The following PPFIA4 variants were observed in gnomAD, a reference collection of about 807,000 sequenced individuals.
The protein encoded by PPFIA4 is PPFI scaffold protein A4, also known as liprin-alpha-4.
Under a neutral mutation model 145.7 loss-of-function variants are expected in PPFIA4, and 98 were observed. The observed-to-expected ratio is 0.67, with a 90% CI of 0.57 to 0.80. PPFIA4 has a LOEUF of 0.80. Among genes scored for constraint, PPFIA4 ranks in the 30% least tolerant of loss-of-function variants. The probability of loss-of-function intolerance (pLI) is 0.00; values close to 1 mark genes in which losing one functional copy is unlikely to be tolerated. For synonymous variants in PPFIA4, 628 were observed against 649.6 expected, an observed-to-expected ratio of 0.97 and a Z score of 0.51; for missense variants, 1,457 against 1,632.7, an observed-to-expected ratio of 0.89 and a Z score of 1.85.
chr1:203,033,062 G>A (rs1263587101), intron 1 of PPFIA4, among the ~76,000 whole-genome samples: 1 of 152,210 alleles, frequency 6.6e-6, no homozygotes, highest in Non-Finnish European at 1.5e-5. Context: ...CCTGGCATTA[G>A]GAGGCTGAGT....
rs1165460410 is a variant in PPFIA4 at position 203,059,212 on chromosome 1, G to A, written c.2442G>A (p.Glu814=). 1.3e-6 allele frequency: 2 copies of A among 1,552,652 alleles called. No individual in the cohort carries two copies. Among genetic ancestry groups the A allele is most frequent in the Non-Finnish European group, 1.8e-6 (2 of 1,139,674 alleles). ...LLTDSEFSMQ[E]PMVPAKLGTQ... The stretch of plus-strand genomic sequence containing the variant: ...CAGACTCCGAATTCAGTATGCAGGA[G>A]CCTATGGTGCCTGCCAAGCTGGGGA... Residue 814 remains glutamate (E), a synonymous_variant, in exon 20 of 30, where the codon GAG becomes GAA. Transcript: ENST00000295706.
Position 203,055,791 on chromosome 1 carries a change from T to G in PPFIA4, c.2070+119T>G. On this transcript the variant is annotated intron_variant, in intron 16 of 29. Transcript: ENST00000295706. This position sits in a 1 kb window ranked among gnomAD's most constrained non-coding sequence, Gnocchi z 4.8. ...CCTGCCATCTTCTTCCCATGGTGTG[T>G]GCAGACCCCGACATGTCAGGCCACC... is the stretch of plus-strand genomic sequence containing the variant. 1 of 1,468,892 alleles carries G rather than the reference T, an allele frequency of 6.8e-7. No homozygotes were observed. The highest frequency in any genetic ancestry group is 9.2e-7 in the Non-Finnish European group (1 of 1,082,372). 91.0% of individuals were successfully genotyped at this position (1,468,892 alleles called of 1,614,324 possible). A position where few individuals can be genotyped will look rare whatever the true frequency, so the allele number is the denominator to read the frequency against.
At chr1:203,036,195 G>A (rs974983224) in intron 1 of PPFIA4, among the ~76,000 whole-genome samples, 1 of 152,184 alleles carries the variant, frequency 6.6e-6, no homozygotes, top group Non-Finnish European at 1.5e-5. Flanking sequence ...ATCACAGGGT[G>A]CTTTCTACTC....
rs1173521702 is a variant in PPFIA4 at position 203,078,699 on chromosome 1, G to A, written c.*2309G>A. On this transcript the variant is annotated 3_prime_UTR_variant, in exon 30 of 30. Coordinates refer to ENST00000295706, the MANE Select transcript of PPFIA4 (RefSeq NM_001304331.2). The stretch of plus-strand genomic sequence containing the variant: ...TGTGGGTGGGTGTGAGTGTGGGTGT[G>A]TACGTACCAATAAACAACCTGGTTT... 3 of 149,692 alleles carry A rather than the reference G, an allele frequency of 2.0e-5. No homozygotes were observed. The highest frequency in any genetic ancestry group is 7.5e-5 in the African/African-American group (3 of 40,214). 9.3% of individuals were successfully genotyped at this position (149,692 alleles called of 1,614,324 possible).
In PPFIA4 at chr1:203,048,216, C is replaced by G; in HGVS notation, c.1141-11C>G. The G allele has an allele frequency of 1.2e-6, 2 of 1,612,404 alleles. No individual in the cohort carries two copies. Among genetic ancestry groups the G allele is most frequent in the Non-Finnish European group, 1.7e-6 (2 of 1,179,656 alleles). The stretch of plus-strand genomic sequence containing the variant: ...GATCTGCGGGCTGCACCGACCCATC[C>G]CTGCCCCTAGGCTGAAGAACGGCAT... On this transcript the variant is annotated splice_polypyrimidine_tract_variant and intron_variant, in intron 9 of 29. Transcript: ENST00000295706. The surrounding 1 kb of genome is among the most constrained non-coding windows in gnomAD (Gnocchi z 5.8).
chr1:203,057,428 G>C (rs1361094969), intron 19 of PPFIA4, among the ~76,000 whole-genome samples: 2 of 152,216 alleles, frequency 1.3e-5, no homozygotes, highest in African/African-American at 2.4e-5. Flanking sequence ...TCAAGGAAGA[G>C]CTTAGGCAAG....
chr1:203,044,651 G>A lies in PPFIA4; in HGVS notation c.577-45G>A, dbSNP rs1036654005. On this transcript the variant is annotated intron_variant, in intron 5 of 29. Coordinates refer to ENST00000295706, the MANE Select transcript of PPFIA4 (RefSeq NM_001304331.2). ...TGGAAGGGTCTGGAATGTATGGGAGGTTCTCTTCTCTTTGACTCATTGCCC... is the reference window on the plus strand; with the variant it reads ...TGGAAGGGTCTGGAATGTATGGGAGATTCTCTTCTCTTTGACTCATTGCCC... 10 of 1,513,506 alleles carry A rather than the reference G, an allele frequency of 6.6e-6. No individual in the cohort carries two copies. In the Admixed American group the frequency reaches 1.3e-4, roughly 19 times the overall value. The allele number at this position is 1,513,506 out of a possible 1,614,324, so 93.8% of individuals were successfully genotyped here. A position where few individuals can be genotyped will look rare whatever the true frequency, so the allele number is the denominator to read the frequency against.
chr1:203,044,318 C>T, intron 4 of PPFIA4, 61 bp from the exon 5 acceptor site: 1 of 1,482,382 alleles, frequency 6.7e-7, no homozygotes, highest in Non-Finnish European at 9.2e-7. Flanking sequence ...AGCCCAGTCT[C>T]TTCCAGCCTG....
chr1:203,072,474 G>A (rs967634254), intron 28 of PPFIA4, among the ~76,000 whole-genome samples: 15 of 152,184 alleles, frequency 9.9e-5, no homozygotes. Context: ...CCTTTGAGAT[G>A]CCAACCTAAG....
At chr1:203,031,450 AC>A (rs1658821508) in intron 1 of PPFIA4, among the ~76,000 whole-genome samples, 1 of 93,154 alleles carries the variant, frequency 1.1e-5, no homozygotes, top group Non-Finnish European at 2.5e-5. Flanking sequence ...GCATGACGAC[AC>A]ATGACACCCC....
rs1193825401 is a variant in PPFIA4 at position 203,045,521 on chromosome 1, G to T, written c.820G>T (p.Glu274Ter). 2 of 1,604,678 alleles carry T rather than the reference G, an allele frequency of 1.2e-6. 1 individual carries two copies. Among genetic ancestry groups the T allele is most frequent in the Non-Finnish European group, 1.7e-6 (2 of 1,176,396 alleles). Residue 274 changes from glutamate to a stop codon, truncating the protein, a stop_gained, in exon 7 of 30, where the codon GAG (glutamate) becomes TAG (stop). Transcript: ENST00000295706. LOFTEE classifies it high-confidence loss of function. ...GGCCCGCCGGGACCTCATCAAGTCG[G>T]AGGAGCTGAGCAGCAAGCATCAGCG... is the stretch of plus-strand genomic sequence containing the variant. Reference protein sequence around the residue: ...GTARRDLIKSEELSSKHQRDL... With the variant: ...GTARRDLIKS
chr1:203,038,106 T>A (rs1027817331), intron 1 of PPFIA4, among the ~76,000 whole-genome samples: 1 of 152,198 alleles, frequency 6.6e-6, no homozygotes, highest in African/African-American at 2.4e-5. Context: ...ACTCTGCCCC[T>A]GTTTCCTAGG....
rs1199420774 is a variant in PPFIA4, at chr1:203,048,910, TC to T, written c.1357-3del. On this transcript the variant is annotated splice_polypyrimidine_tract_variant and splice_region_variant and intron_variant, in intron 11 of 29. Transcript: ENST00000295706. The surrounding 1 kb of genome is among the most constrained non-coding windows in gnomAD (Gnocchi z 5.8). ...GCAGGGGCCTGGCTCACAGCTGCTC[TC>T]CCCCAGAACACGTTGATCCAGGAGT... 1.3e-6 allele frequency: 2 copies of T among 1,547,926 alleles called. No homozygotes were observed. Among genetic ancestry groups the T allele is most frequent in the Non-Finnish European group, 1.7e-6 (2 of 1,146,664 alleles).
At chr1:203,044,483 G>A in intron 5 of PPFIA4, 30 bp downstream of exon 5, 1 of 1,543,230 alleles carries the variant, frequency 6.5e-7, no homozygotes, top group Non-Finnish European at 8.8e-7. Flanking sequence ...TCAGTCTGCA[G>A]CTCCTGGAAG....
intron 23 of PPFIA4, 121 bp downstream of exon 23, chr1:203,061,153 A>T (rs1402001767): frequency 2.2e-6 from 2 of 925,712 alleles, no homozygotes; most frequent in East Asian, 4.8e-5. Context: ...TGAGGTTGGT[A>T]TCCCTGAGGT....
chr1:203,076,847 G>T lies in PPFIA4; in HGVS notation c.*457G>T. On this transcript the variant is annotated 3_prime_UTR_variant, in exon 30 of 30. Transcript: ENST00000295706. ...AATCTTAGGGTGTCTATCCACGTCT[G>T]GCTGTGCCAAATGGTCTGGCAGCTG... The T allele has an allele frequency of 5.9e-6, 1 of 168,312 alleles. No individual in the cohort carries two copies. Among genetic ancestry groups the T allele is most frequent in the Non-Finnish European group, 1.3e-5 (1 of 77,722 alleles). The allele number at this position is 168,312 out of a possible 1,614,324, so 10.4% of individuals were successfully genotyped here.
At position 203,041,583 on chromosome 1, in the gene PPFIA4, C is replaced by G. The variant is rs78761625; in HGVS notation, c.235-1814C>G. On this transcript the variant is annotated intron_variant, in intron 2 of 29. Coordinates refer to ENST00000295706, the MANE Select transcript of PPFIA4 (RefSeq NM_001304331.2). ...CTCCAGCCTGGGTGACAGAGGAGAC[C>G]GTCTCCTGTGTTTGTAGACAGCATT... 7.8e-4 allele frequency among the ~76,000 whole-genome samples: 119 copies of G among 152,248 alleles called. No individual in the cohort carries two copies. The South Asian group carries it at 0.01, about 13-fold the overall frequency.
chr1:203,052,429 G>A (rs770947172), intron 14 of PPFIA4, among the ~76,000 whole-genome samples: 3 of 152,080 alleles, frequency 2.0e-5, no homozygotes, highest in Non-Finnish European at 4.4e-5. Flanking sequence ...GCAATTATTC[G>A]TCATGCTCTG....
At chr1:203,072,887 C>T (rs1388184507) in intron 28 of PPFIA4, among the ~76,000 whole-genome samples, 1 of 150,542 alleles carries the variant, frequency 6.6e-6, no homozygotes, top group Non-Finnish European at 1.5e-5. Flanking sequence ...AAACTGGCAG[C>T]CCCCCCTCCC....
Sources: gnomAD v4.1 joint callset for allele counts (sites outside exome capture counted in the v4.1 genomes callset) on GRCh38, gnomAD v4.1.1 for gene constraint, Gnocchi (gnomAD v3.1) non-coding constraint, MANE v1.5 for transcripts, NCBI Gene and HGNC (gene_info 2026-07-23, HGNC 2026-07-21) for gene names.